TENM1: variants seen among roughly 807,000 people sequenced by gnomAD.
The protein encoded by TENM1 is teneurin-1.
In TENM1, 35 loss-of-function variants were observed where a neutral mutation model predicts 174.8. The ratio of observed to expected loss-of-function variants is 0.20; its 90% CI spans 0.15 to 0.27. The LOEUF (loss-of-function observed/expected upper bound fraction) is 0.27, where lower values mean the gene tolerates loss of function less well. Ranked by LOEUF, TENM1 falls within the 10% of genes least tolerant of loss-of-function variation. The probability of loss-of-function intolerance (pLI) is 1.00; values close to 1 mark genes in which losing one functional copy is unlikely to be tolerated. For synonymous variants in TENM1, 781 were observed against 798.7 expected (o/e 0.98, Z 0.37); for missense variants, 1,633 against 2,130.1 (o/e 0.77, Z 4.59).
chrX:124,804,604 C>G (rs1235976100), intron 3 of TENM1, among the ~76,000 whole-genome samples: 1 of 111,982 alleles, frequency 8.9e-6, no homozygotes, highest in East Asian at 2.8e-4. Context: ...ATTTCTTCCA[C>G]TAACAAAGAA....
chrX:124,442,582 G>T (rs1021282618), intron 23 of TENM1, among the ~76,000 whole-genome samples: 2 of 112,134 alleles, frequency 1.8e-5, no homozygotes, highest in Non-Finnish European at 3.8e-5. Context: ...GACATGAAAG[G>T]GTTGGCAAGG....
chrX:124,620,901 G>A (rs1445784444), intron 11 of TENM1, among the ~76,000 whole-genome samples: 2 of 112,030 alleles, frequency 1.8e-5, no homozygotes, highest in African/African-American at 6.5e-5. Flanking sequence ...TCACCACTGT[G>A]TCACTGAAGA....
At chrX:125,186,056 A>G in the TENM1 span, among the ~76,000 whole-genome samples, 1 of 111,136 alleles carries the variant, frequency 9.0e-6, no homozygotes, top group African/African-American at 3.3e-5. Context: ...TTCACTCAAC[A>G]TACCAGTCAT....
At chrX:124,529,803 T>C (rs1168978680) in intron 16 of TENM1, 61 bp downstream of exon 19, 27 of 1,199,172 alleles carry the variant, frequency 2.3e-5, no homozygotes, top group Non-Finnish European at 4.5e-6. Context: ...AGCCCTGGTT[T>C]TACCCCTGGC....
intron 3 of TENM1, among the ~76,000 whole-genome samples, chrX:124,841,224 C>G (rs749501136): frequency 8.9e-6 from 1 of 111,818 alleles, no homozygotes; most frequent in East Asian, 2.8e-4. Flanking sequence ...TTTTCTCCCC[C>G]ATGCCTTTCT....
intron 5 of TENM1, among the ~76,000 whole-genome samples, chrX:124,686,197 T>TA (rs16298): frequency 0.18 from 19,977 of 110,093 alleles, 2,264 homozygotes; most frequent in African/African-American, 0.41. Context: ...AGAGGGGTGA[T>TA]ATAGCCAAAG....
the TENM1 span, among the ~76,000 whole-genome samples, chrX:125,092,524 G>T: frequency 9.0e-6 from 1 of 111,393 alleles, no homozygotes; most frequent in Non-Finnish European, 1.9e-5. Flanking sequence ...TGCATTTTAG[G>T]GAAGTAAAAT....
At chrX:125,010,120 T>A in the TENM1 span, among the ~76,000 whole-genome samples, 1 of 111,252 alleles carries the variant, frequency 9.0e-6, no homozygotes, top group Admixed American at 9.6e-5. Flanking sequence ...TTCTATATTT[T>A]AAAAACCCCA....
At chrX:124,704,851 T>G (rs2052858161) in intron 5 of TENM1, among the ~76,000 whole-genome samples, 162 bp downstream of exon 8, 1 of 107,666 alleles carries the variant, frequency 9.3e-6, no homozygotes, top group Non-Finnish European at 1.9e-5. Context: ...GTATTTAAGG[T>G]TAGGAAGAAA....
chrX:125,089,514 T>C, the TENM1 span, among the ~76,000 whole-genome samples: 1 of 112,120 alleles, frequency 8.9e-6, no homozygotes, highest in Non-Finnish European at 1.9e-5. Flanking sequence ...TAGGTACTCA[T>C]AATCTAATTG....
chrX:124,588,989 G>A (rs1323988784), intron 11 of TENM1, among the ~76,000 whole-genome samples: 1 of 110,877 alleles, frequency 9.0e-6, no homozygotes, highest in African/African-American at 3.3e-5. Context: ...TCCTCAAGGG[G>A]AATGCTTCCA....
Position 124,420,490 on chromosome X carries a change from G to A in TENM1, c.4803C>T (p.Gly1601=), listed in dbSNP as rs1300338648. 6.6e-6 allele frequency: 8 copies of A among 1,211,994 alleles called. No individual in the cohort carries two copies. The highest frequency in any genetic ancestry group is 8.9e-6 in the Non-Finnish European group (8 of 895,582). The change falls in exon 25 of 32, where the codon GGC becomes GGT. Residue 1601 remains glycine (G), a synonymous_variant. Coordinates refer to ENST00000422452, the Ensembl canonical transcript of TENM1. ...GCACCACAAGCCATAGCGGCATTCC[G>A]CCTGCATCACGGCGAATGTGCACTG...
chrX:124,737,944 G>A (rs751780274), intron 3 of TENM1, among the ~76,000 whole-genome samples: 8 of 111,920 alleles, frequency 7.1e-5, no homozygotes, highest in Non-Finnish European at 1.5e-4. Context: ...TTTTCTGCTC[G>A]TTTGCAGAGG....
the TENM1 span, among the ~76,000 whole-genome samples, chrX:125,051,300 A>G: frequency 1.8e-5 from 2 of 111,064 alleles, no homozygotes; most frequent in Admixed American, 1.9e-4. Flanking sequence ...TGCCATCCCC[A>G]TCAAGCTACC....
chrX:125,163,031 C>T, the TENM1 span, among the ~76,000 whole-genome samples: 2 of 111,438 alleles, frequency 1.8e-5, no homozygotes, highest in Admixed American at 9.6e-5. Context: ...CCAATGCTGC[C>T]CCCGCTGCCA....
chrX:125,180,791 C>T, the TENM1 span, among the ~76,000 whole-genome samples: 2 of 111,596 alleles, frequency 1.8e-5, no homozygotes, highest in Admixed American at 9.5e-5. Flanking sequence ...TGACCCTCTA[C>T]CTGTAAAGAC....
At chrX:124,869,659 C>T (rs2057072349) in intron 3 of TENM1, among the ~76,000 whole-genome samples, 1 of 111,119 alleles carries the variant, frequency 9.0e-6, no homozygotes. Context: ...GAATGAGATC[C>T]AGTCATTTGC....
At chrX:125,017,219 C>T in the TENM1 span, among the ~76,000 whole-genome samples, 3 of 112,133 alleles carry the variant, frequency 2.7e-5, no homozygotes, top group Non-Finnish European at 5.6e-5. Context: ...CAAATGGGAT[C>T]TAATTAAACT....
At chrX:124,807,178 T>C (rs1454371355) in intron 3 of TENM1, among the ~76,000 whole-genome samples, 2 of 111,779 alleles carry the variant, frequency 1.8e-5, no homozygotes, top group Non-Finnish European at 3.8e-5. Context: ...AAGTCATTCA[T>C]GAGAAATATA....
Sources: allele counts gnomAD v4.1 joint callset (sites outside exome capture counted in the v4.1 genomes callset), GRCh38; gene constraint gnomAD v4.1.1; transcripts MANE v1.5; gene names NCBI Gene and HGNC (gene_info 2026-07-23, HGNC 2026-07-21).